The following NBAS variants were observed in gnomAD, a reference collection of about 807,000 sequenced individuals.
NBAS encodes the protein NBAS subunit of NRZ tethering complex.
Under a neutral mutation model 302.5 loss-of-function variants are expected in NBAS, and 219 were observed. The observed-to-expected ratio is 0.72, with a 90% CI of 0.65 to 0.81. NBAS has a LOEUF of 0.81. NBAS is among the 30% of genes least tolerant of loss of function. The probability of loss-of-function intolerance (pLI) is 0.00; values close to 1 mark genes in which losing one functional copy is unlikely to be tolerated. For missense variants in NBAS, 2,932 were observed against 2,841.6 expected, an observed-to-expected ratio of 1.03 and a Z score of -0.72; for synonymous variants, 1,118 against 1,021.6, an observed-to-expected ratio of 1.09 and a Z score of -1.80.
chr2:15,329,856 C>T (rs746278609), intron 36 of NBAS, among the ~76,000 whole-genome samples: 57 of 152,256 alleles, frequency 3.7e-4, no homozygotes, highest in Non-Finnish European at 1.2e-4. Context: ...CAGTATTTAC[C>T]CACCTTGCTT....
intron 25 of NBAS, among the ~76,000 whole-genome samples, chr2:15,413,710 T>C (rs1676790689): frequency 6.6e-6 from 1 of 152,152 alleles, no homozygotes; most frequent in Non-Finnish European, 1.5e-5. Context: ...CTCTAGAGAA[T>C]CCAACATTTA....
intron 47 of NBAS, among the ~76,000 whole-genome samples, chr2:15,229,939 A>G (rs1667311425): frequency 6.6e-6 from 1 of 152,292 alleles, no homozygotes; most frequent in African/African-American, 2.4e-5. Context: ...ATTGTGGGAT[A>G]GTATATACAT....
the NBAS span, among the ~76,000 whole-genome samples, chr2:15,093,440 A>T: frequency 6.6e-6 from 1 of 152,136 alleles, no homozygotes; most frequent in Admixed American, 6.5e-5. Context: ...AAAGGGCACT[A>T]TTGTATTGCT....
At chr2:15,374,473 T>C (rs750661401) in intron 31 of NBAS, 135 bp downstream of exon 31, 6 of 710,766 alleles carry the variant, frequency 8.4e-6, no homozygotes, top group Admixed American at 7.0e-5. Context: ...TTTAAAATAA[T>C]GGGTCAAGGG....
At chr2:14,929,164 G>A in the NBAS span, among the ~76,000 whole-genome samples, 304 of 152,230 alleles carry the variant, frequency 2.0e-3, 6 homozygotes, top group East Asian at 0.015. Flanking sequence ...CAGACTTACT[G>A]AATCAGCAGA....
chr2:15,416,865 G>A (rs1248223797), intron 24 of NBAS, among the ~76,000 whole-genome samples: 1 of 151,680 alleles, frequency 6.6e-6, no homozygotes, highest in Non-Finnish European at 1.5e-5. Flanking sequence ...AATGTGGAAG[G>A]GAAGGAGAGA....
At chr2:15,087,271 T>A in the NBAS span, among the ~76,000 whole-genome samples, 1 of 151,880 alleles carries the variant, frequency 6.6e-6, no homozygotes, top group Admixed American at 6.5e-5. Flanking sequence ...ATATTGGTTC[T>A]GTTTCTCTGA....
At chr2:14,961,133 C>T in the NBAS span, among the ~76,000 whole-genome samples, 1 of 152,162 alleles carries the variant, frequency 6.6e-6, no homozygotes, top group Admixed American at 6.5e-5. Context: ...CAGCTGCCCC[C>T]TAGTTTCCAT....
At chr2:15,390,605 C>CACAA (rs60922540) in intron 28 of NBAS, among the ~76,000 whole-genome samples, 94,578 of 151,350 alleles carry the variant, frequency 0.62, 30,273 homozygotes, top group Middle Eastern at 0.68. Context: ...GCTCCTGCCA[C>CACAA]ACAAACAAAA....
chr2:15,022,844 T>C, the NBAS span, among the ~76,000 whole-genome samples: 3 of 152,322 alleles, frequency 2.0e-5, no homozygotes, highest in South Asian at 4.1e-4. Context: ...TTTGGAATGT[T>C]TGATTTTTAA....
At chr2:14,979,869 A>G in the NBAS span, among the ~76,000 whole-genome samples, 4 of 152,258 alleles carry the variant, frequency 2.6e-5, no homozygotes, top group South Asian at 6.2e-4. Flanking sequence ...TAACCCAAAG[A>G]GACAAATTTA....
At chr2:14,910,803 C>G in the NBAS span, among the ~76,000 whole-genome samples, 1 of 152,158 alleles carries the variant, frequency 6.6e-6, no homozygotes, top group Admixed American at 6.5e-5. Context: ...TTGGATTTGT[C>G]TTTGTTGGGG....
intron 9 of NBAS, among the ~76,000 whole-genome samples, chr2:15,519,822 T>C (rs1049804921): frequency 8.5e-5 from 13 of 152,322 alleles, no homozygotes; most frequent in Admixed American, 8.5e-4. Context: ...AACCACTGCT[T>C]TACTTTATGT....
At chr2:15,015,052 A>G in the NBAS span, among the ~76,000 whole-genome samples, 1 of 151,814 alleles carries the variant, frequency 6.6e-6, no homozygotes, top group Non-Finnish European at 1.5e-5. Context: ...TAAATTTCTA[A>G]ATACATATAT....
At chr2:15,017,672 G>T in the NBAS span, among the ~76,000 whole-genome samples, 1 of 152,004 alleles carries the variant, frequency 6.6e-6, no homozygotes, top group African/African-American at 2.4e-5. Flanking sequence ...AAGTGCTGGT[G>T]AAGATGTGGA....
intron 31 of NBAS, among the ~76,000 whole-genome samples, chr2:15,373,843 C>T (rs186040929): frequency 4.1e-4 from 63 of 152,246 alleles, no homozygotes; most frequent in African/African-American, 1.3e-3. Context: ...ACAGAGATAA[C>T]AGATTACAAG....
chr2:15,023,361 G>A, the NBAS span, among the ~76,000 whole-genome samples: 2 of 152,166 alleles, frequency 1.3e-5, no homozygotes, highest in East Asian at 1.9e-4. Context: ...TTCCCACTAT[G>A]AATAATACCA....
chr2:15,167,377 C>T (rs919616466), intron 51 of NBAS, 54 bp from the exon 52 acceptor site: 12 of 1,596,232 alleles, frequency 7.5e-6, no homozygotes, highest in Middle Eastern at 1.7e-4. Flanking sequence ...TGTTCGCCTC[C>T]CCCTTGGATC....
intron 40 of NBAS, among the ~76,000 whole-genome samples, chr2:15,297,886 G>A (rs1346098874): frequency 6.6e-6 from 1 of 152,116 alleles, no homozygotes; most frequent in Admixed American, 6.5e-5. Context: ...CTGTGTGTGT[G>A]TGTAAATATA....
Sources: allele counts gnomAD v4.1 joint callset (sites outside exome capture counted in the v4.1 genomes callset), GRCh38; gene constraint gnomAD v4.1.1; transcripts MANE v1.5; gene names NCBI Gene and HGNC (gene_info 2026-07-23, HGNC 2026-07-21).